The following ZNF529 variants were observed in gnomAD, a reference collection of about 807,000 sequenced individuals.
ZNF529 encodes zinc finger protein 529.
ZNF529 carries 11 observed loss-of-function variants against 10.1 expected under a neutral mutation model. The ratio of observed to expected loss-of-function variants is 1.09; its 90% CI spans 0.69 to 1.81. ZNF529 has a LOEUF of 1.81. Ranked by LOEUF, ZNF529 falls within the 40% of genes most tolerant of loss-of-function variation. The probability of loss-of-function intolerance (pLI) is 0.00; values close to 1 mark genes in which losing one functional copy is unlikely to be tolerated. For synonymous variants in ZNF529, 204 were observed against 215.7 expected (o/e 0.95, Z 0.47); for missense variants, 624 against 666.8 (o/e 0.94, Z 0.71).
At chr19:36,578,220 G>A (rs1420990213), upstream of ZNF529, among the ~76,000 whole-genome samples, 5 of 138,282 alleles carry the variant, frequency 3.6e-5, no homozygotes, top group East Asian at 2.3e-4. Flanking sequence ...CTGCGCCACC[G>A]CACGCAGCTA....
chr19:36,545,776 G>A lies in ZNF529; in HGVS notation c.*1090C>T, dbSNP rs779806867. ...ATATATAGTTGTAAATTCTCTTAAT[G>A]TAAGTTCAGTGGTCATTTTTTCTCC... On this transcript the variant is annotated 3_prime_UTR_variant, in exon 5 of 5. Coordinates refer to ENST00000591340, the MANE Select transcript of ZNF529 (RefSeq NM_020951.5). The A allele has an allele frequency of 4.6e-5, 7 of 152,044 alleles. No individual in the cohort carries two copies. Among genetic ancestry groups the A allele is most frequent in the Non-Finnish European group, 8.8e-5 (6 of 68,000 alleles). 9.4% of individuals were successfully genotyped at this position (152,044 alleles called of 1,614,324 possible).
chr19:36,585,941 A>G (rs1186697919), intron 2 of ZNF529, among the ~76,000 whole-genome samples: 1 of 152,242 alleles, frequency 6.6e-6, no homozygotes, highest in East Asian at 1.9e-4. Context: ...CTAAGTATGT[A>G]CTGTTCCTTG....
At chr19:36,561,317 G>A (rs572263707) in intron 2 of ZNF529, among the ~76,000 whole-genome samples, 1 of 152,206 alleles carries the variant, frequency 6.6e-6, no homozygotes, top group South Asian at 2.1e-4. Context: ...GCATCCACAT[G>A]GTACTGATTT....
At chr19:36,585,350 C>T (rs1045928456) in intron 2 of ZNF529, among the ~76,000 whole-genome samples, 3 of 152,200 alleles carry the variant, frequency 2.0e-5, no homozygotes, top group African/African-American at 4.8e-5. Context: ...GGTTCATCCT[C>T]ATGTGGAGTA....
intron 1 of ZNF529, among the ~76,000 whole-genome samples, chr19:36,590,921 C>A: frequency 7.8e-6 from 1 of 128,874 alleles, no homozygotes; most frequent in African/African-American, 3.0e-5. Flanking sequence ...CAGAGCAAGA[C>A]TCCGTCTCAA....
At position 36,589,048 on chromosome 19, in the gene ZNF529, A is replaced by G. The variant is rs1022084367; in HGVS notation, c.-41+567T>C. 2.0e-5 allele frequency among the ~76,000 whole-genome samples: 3 copies of G among 151,548 alleles called. No individual in the cohort carries two copies. The East Asian group carries it at 5.9e-4, about 30-fold the overall frequency. On this transcript the variant is annotated intron_variant, in intron 2 of 4. Coordinates refer to the ZNF529 transcript ENST00000585960. Reference sequence around the variant, plus strand: ...AACCTTGAATTCATGGGCTCAAGTGAGCCTTTCACCTCAGCCTCCCAAGTA... The same window carrying G: ...AACCTTGAATTCATGGGCTCAAGTGGGCCTTTCACCTCAGCCTCCCAAGTA...
In ZNF529 at chr19:36,546,883, C is replaced by T. The variant is rs766951206; in HGVS notation, c.1675G>A (p.Glu559Lys). The change falls in exon 5 of 5, where the codon GAG (glutamate) becomes AAG (lysine). Residue 559 changes from glutamate to lysine, a missense_variant. Glu to Lys is a moderately conservative substitution (Grantham distance 56, BLOSUM62 1). Transcript: ENST00000591340. ...CATTTATTTCAGTCAAATGATTTCT[C>T]ACCAGTGTAAATTTTCGGTTGGCAA... ...LTCQPKIYTGEKSFD is the reference protein window; with the variant it reads ...LTCQPKIYTGKKSFD The T allele has an allele frequency of 1.2e-6, 2 of 1,609,968 alleles. No homozygotes were observed. Among genetic ancestry groups the T allele is most frequent in the East Asian group, 2.2e-5 (1 of 44,836 alleles).
At chr19:36,579,216 C>T (rs2036410071) in intron 2 of ZNF529, among the ~76,000 whole-genome samples, 1 of 151,074 alleles carries the variant, frequency 6.6e-6, no homozygotes, top group Admixed American at 6.6e-5. Context: ...AAAAAAAATA[C>T]TACACGTGTG....
Position 36,563,399 on chromosome 19 carries a change from G to A in ZNF529, c.15-7202C>T, listed in dbSNP as rs145473039. Among the ~76,000 whole-genome samples the A allele has an allele frequency of 7.8e-3, 1,177 of 151,606 alleles. 9 individuals are homozygous for A. The highest frequency in any genetic ancestry group is 0.025 in the African/African-American group (1,024 of 41,174). The stretch of plus-strand genomic sequence containing the variant: ...GATCACACCACAGCACTCCAGCCTG[G>A]GCAACAGAATGAGATTGTGTCTCAA... On this transcript the variant is annotated intron_variant, in intron 2 of 4. Coordinates refer to ENST00000591340, the MANE Select transcript of ZNF529 (RefSeq NM_020951.5).
chr19:36,597,064 G>T (rs2145289905), intron 1 of ZNF529, among the ~76,000 whole-genome samples: 1 of 152,024 alleles, frequency 6.6e-6, no homozygotes, highest in Non-Finnish European at 1.5e-5. Flanking sequence ...TAGAGATGGG[G>T]TCTCACTATG....
intron 1 of ZNF529, among the ~76,000 whole-genome samples, chr19:36,599,905 G>C (rs906062699): frequency 2.7e-5 from 4 of 150,012 alleles, no homozygotes; most frequent in East Asian, 1.9e-4. Context: ...GTCTCACTCT[G>C]TTGCCCAGGC....
intron 2 of ZNF529, chr19:36,580,347 CACTT>C (rs1442758193): frequency 7.6e-6 from 1 of 131,416 alleles, no homozygotes; most frequent in Admixed American, 7.1e-5. Context: ...GTAATGTAAT[CACTT>C]ATTATTATCA....
At chr19:36,572,744 ATTATCTATCAT>A (rs1458930970) in intron 1 of ZNF529, among the ~76,000 whole-genome samples, 55 of 151,816 alleles carry the variant, frequency 3.6e-4, no homozygotes, top group African/African-American at 1.3e-3. Flanking sequence ...CTATCTATCT[ATTATCTATCAT>A]TTATCTATCT....
At chr19:36,583,299 C>T (rs919311190) in intron 2 of ZNF529, among the ~76,000 whole-genome samples, 2 of 152,056 alleles carry the variant, frequency 1.3e-5, no homozygotes, top group Non-Finnish European at 2.9e-5. Context: ...TCAAGAAATC[C>T]TCCCACCTTG....
At chr19:36,586,511 G>A (rs866519632) in intron 2 of ZNF529, among the ~76,000 whole-genome samples, 5 of 151,944 alleles carry the variant, frequency 3.3e-5, no homozygotes, top group East Asian at 3.9e-4. Context: ...AGGCTGAGGC[G>A]GGAGAATTGC....
chr19:36,600,897 TAAAATC>T (rs1211802590), intron 1 of ZNF529, among the ~76,000 whole-genome samples: 3 of 152,150 alleles, frequency 2.0e-5, no homozygotes, highest in Non-Finnish European at 4.4e-5. Context: ...TTGAAAAAGT[TAAAATC>T]AATCAGTTCA....
chr19:36,601,804 TATAGA>T (rs752977479), intron 1 of ZNF529, among the ~76,000 whole-genome samples: 11 of 152,080 alleles, frequency 7.2e-5, no homozygotes, highest in Non-Finnish European at 1.3e-4. Context: ...ATTCAGATAC[TATAGA>T]ATAGGGGTTG....
intron 2 of ZNF529, among the ~76,000 whole-genome samples, chr19:36,578,667 G>C (rs977230892): frequency 1.3e-5 from 2 of 150,932 alleles, no homozygotes; most frequent in Non-Finnish European, 2.9e-5. Context: ...GGAGTACAGT[G>C]GTGCGATCTT....
At chr19:36,564,232 T>G (rs915666499) in intron 2 of ZNF529, among the ~76,000 whole-genome samples, 1 of 152,072 alleles carries the variant, frequency 6.6e-6, no homozygotes, top group Non-Finnish European at 1.5e-5. Context: ...CAAAAGCAAC[T>G]GAAACAAAAC....
Sources: gnomAD v4.1 joint callset for allele counts (sites outside exome capture counted in the v4.1 genomes callset) on GRCh38, gnomAD v4.1.1 for gene constraint, MANE v1.5 for transcripts, NCBI Gene and HGNC (gene_info 2026-07-23, HGNC 2026-07-21) for gene names.